Variants in LPP observed in about 807,000 individuals in gnomAD.
LPP encodes LIM domain containing preferred translocation partner in lipoma.
In LPP, 38 loss-of-function variants were observed where a neutral mutation model predicts 60.4. The observed-to-expected ratio is 0.63, with a 90% confidence interval of 0.49 to 0.83. The LOEUF (loss-of-function observed/expected upper bound fraction) is 0.83, where lower values mean the gene tolerates loss of function less well. Ranked by LOEUF, LPP falls within the 40% of genes least tolerant of loss-of-function variation. The pLI is 0.00. For synonymous variants in LPP, 328 were observed against 290.8 expected (o/e 1.13, Z -1.30); for missense variants, 902 against 783.6 (o/e 1.15, Z -1.80).
intron 2 of LPP, among the ~76,000 whole-genome samples, chr3:188,340,289 T>G (rs1762698764): frequency 6.6e-6 from 1 of 152,190 alleles, no homozygotes; most frequent in African/African-American, 2.4e-5. Context: ...ATAATGGTCA[T>G]TGTGATTTTT....
At chr3:188,658,796 T>G (rs1456678969) in intron 7 of LPP, among the ~76,000 whole-genome samples, 1 of 152,166 alleles carries the variant, frequency 6.6e-6, no homozygotes. Context: ...TTCCAGAAGG[T>G]GTGACAATCT....
intron 9 of LPP, among the ~76,000 whole-genome samples, chr3:188,799,466 A>G (rs1746353830): frequency 6.6e-6 from 1 of 152,200 alleles, no homozygotes; most frequent in African/African-American, 2.4e-5. Context: ...CAGCTTTGCC[A>G]TTCACTGCTT....
At chr3:188,846,608 C>G (rs1169809222) in intron 9 of LPP, among the ~76,000 whole-genome samples, 1 of 148,582 alleles carries the variant, frequency 6.7e-6, no homozygotes, top group African/African-American at 2.5e-5. Context: ...TGCTTGAACC[C>G]AGGAGGTGGA....
intron 4 of LPP, among the ~76,000 whole-genome samples, chr3:188,416,823 A>G (rs1254106443): frequency 1.3e-5 from 2 of 152,132 alleles, no homozygotes; most frequent in Non-Finnish European, 2.9e-5. Context: ...AGCTCTTGCT[A>G]TTGTGTTGCT....
intron 4 of LPP, among the ~76,000 whole-genome samples, chr3:188,439,286 C>T (rs1793175684): frequency 2.0e-5 from 3 of 152,198 alleles, no homozygotes; most frequent in Admixed American, 1.3e-4. Context: ...AGTCAACCAT[C>T]ATTCGCTTCC....
chr3:188,715,406 A>AAAG (rs397875737), intron 8 of LPP, among the ~76,000 whole-genome samples: 1 of 139,670 alleles, frequency 7.2e-6, no homozygotes, highest in African/African-American at 2.6e-5. Flanking sequence ...AAAAAAAAAA[A>AAAG]GGAACATGGG....
intron 3 of LPP, among the ~76,000 whole-genome samples, chr3:188,374,422 A>G (rs1000819633): frequency 6.6e-6 from 1 of 152,052 alleles, no homozygotes; most frequent in Non-Finnish European, 1.5e-5. Flanking sequence ...GAGGTCCTTC[A>G]CATCCCTTGT....
intron 7 of LPP, among the ~76,000 whole-genome samples, chr3:188,632,159 T>C (rs1847949912): frequency 6.6e-6 from 1 of 152,176 alleles, no homozygotes; most frequent in Admixed American, 6.5e-5. Context: ...ACCTCTGTCT[T>C]TTCCTCAAAC....
At chr3:188,373,297 G>C (rs1033649324) in intron 3 of LPP, among the ~76,000 whole-genome samples, 3 of 152,136 alleles carry the variant, frequency 2.0e-5, no homozygotes, top group South Asian at 2.1e-4. Context: ...CTTCCACAAT[G>C]GTTGAACTAG....
intron 1 of LPP, among the ~76,000 whole-genome samples, chr3:188,162,994 G>A (rs146476753): frequency 2.9e-4 from 44 of 152,268 alleles, no homozygotes; most frequent in African/African-American, 1.0e-3. Context: ...AGTATAGTGT[G>A]CCCGCAAAAG....
intron 3 of LPP, among the ~76,000 whole-genome samples, chr3:188,392,547 A>T (rs750783084): frequency 1.2e-4 from 18 of 152,158 alleles, no homozygotes; most frequent in African/African-American, 3.9e-4. Flanking sequence ...TTATTCTTAA[A>T]AGGAAACATA....
intron 2 of LPP, among the ~76,000 whole-genome samples, chr3:188,302,553 ATG>A (rs971080583): frequency 6.6e-5 from 10 of 152,176 alleles, no homozygotes; most frequent in Admixed American, 2.6e-4. Flanking sequence ...ATTTGACAGA[ATG>A]GGGTTTTCCT....
chr3:188,190,076 G>A (rs1456081814), intron 1 of LPP, among the ~76,000 whole-genome samples: 1 of 142,982 alleles, frequency 7.0e-6, no homozygotes, highest in Non-Finnish European at 1.5e-5. Flanking sequence ...TTTTTTTTGA[G>A]ATGAAGTTTC....
intron 9 of LPP, among the ~76,000 whole-genome samples, chr3:188,807,841 T>C (rs1577686972): frequency 6.6e-6 from 1 of 152,212 alleles, no homozygotes; most frequent in Non-Finnish European, 1.5e-5. Context: ...ACATCTGTCT[T>C]ATTTCTGAGT....
chr3:188,396,619 C>T (rs545201075), intron 3 of LPP, among the ~76,000 whole-genome samples: 38 of 152,294 alleles, frequency 2.5e-4, no homozygotes, highest in Non-Finnish European at 5.6e-4. Flanking sequence ...TTTTTCCTAT[C>T]GTCACTTTTT....
At chr3:188,811,986 C>T (rs1379565748) in intron 9 of LPP, among the ~76,000 whole-genome samples, 4 of 152,050 alleles carry the variant, frequency 2.6e-5, no homozygotes, top group African/African-American at 9.7e-5. Context: ...TGTTGCAGAT[C>T]ATTAGAATAT....
intron 3 of LPP, among the ~76,000 whole-genome samples, chr3:188,389,097 T>A (rs1176750742): frequency 6.6e-6 from 1 of 152,058 alleles, no homozygotes. Context: ...ATTTCCCTGA[T>A]TATTATTTAA....
At chr3:188,247,479 T>C (rs1184226182) in intron 2 of LPP, among the ~76,000 whole-genome samples, 1 of 152,114 alleles carries the variant, frequency 6.6e-6, no homozygotes, top group African/African-American at 2.4e-5. Context: ...CATTTCACTT[T>C]TGTGGAAATT....
intron 2 of LPP, among the ~76,000 whole-genome samples, chr3:188,278,140 CA>C (rs570034618): frequency 6.6e-5 from 10 of 152,174 alleles, no homozygotes; most frequent in Non-Finnish European, 1.3e-4. Flanking sequence ...ATTTAATCCT[CA>C]AAGCCAGCCT....
Sources: allele counts gnomAD v4.1 joint callset (sites outside exome capture counted in the v4.1 genomes callset), GRCh38; gene constraint gnomAD v4.1.1; transcripts MANE v1.5; gene names NCBI Gene and HGNC (gene_info 2026-07-23, HGNC 2026-07-21).